The following TLN2 variants were observed in gnomAD, a reference collection of about 807,000 sequenced individuals.
TLN2 encodes talin-2.
TLN2 carries 118 observed loss-of-function variants against 294.7 expected under a neutral mutation model. That is an observed-to-expected ratio of 0.40 (90% CI 0.34 to 0.47). TLN2 has a LOEUF of 0.47. TLN2 is among the 20% of genes least tolerant of loss of function. The probability of loss-of-function intolerance (pLI) is 0.84; values close to 1 mark genes in which losing one functional copy is unlikely to be tolerated. For synonymous variants in TLN2, 1,431 were observed against 1,304.5 expected, an observed-to-expected ratio of 1.10 and a Z score of -2.09; for missense variants, 3,083 against 3,282.2, an observed-to-expected ratio of 0.94 and a Z score of 1.48.
At chr15:62,505,031 A>G (rs376152966) in intron 1 of TLN2, among the ~76,000 whole-genome samples, 23 of 152,224 alleles carry the variant, frequency 1.5e-4, no homozygotes, top group African/African-American at 5.5e-4. Flanking sequence ...ATCTCAGCTC[A>G]CTGCAACCTC....
chr15:62,510,302 A>C (rs2039862536), intron 1 of TLN2, among the ~76,000 whole-genome samples: 1 of 152,186 alleles, frequency 6.6e-6, no homozygotes, highest in South Asian at 2.1e-4. Flanking sequence ...GTGGTGAACC[A>C]GAGGGTGGGG....
chr15:62,512,245 T>A (rs1402856463), intron 1 of TLN2, among the ~76,000 whole-genome samples: 1 of 152,206 alleles, frequency 6.6e-6, no homozygotes, highest in African/African-American at 2.4e-5. Context: ...GTTAGTCTTT[T>A]AATGGTGAAA....
chr15:62,473,232 C>T (rs952428331), intron 1 of TLN2, among the ~76,000 whole-genome samples: 5 of 152,224 alleles, frequency 3.3e-5, no homozygotes, highest in Admixed American at 2.6e-4. Flanking sequence ...CTTGTCAGGC[C>T]CCACCCCTTC....
chr15:62,645,471 G>T (rs1420525724), intron 3 of TLN2, among the ~76,000 whole-genome samples: 1 of 152,232 alleles, frequency 6.6e-6, no homozygotes, highest in Non-Finnish European at 1.5e-5. Context: ...ATTGCAGTTG[G>T]ACGGCCTGAA....
At chr15:62,408,310 C>T (rs926014714) in intron 1 of TLN2, among the ~76,000 whole-genome samples, 2 of 152,082 alleles carry the variant, frequency 1.3e-5, no homozygotes, top group Non-Finnish European at 2.9e-5. Flanking sequence ...AAAGTGTGTT[C>T]GAGCATGCAC....
At chr15:62,647,480 C>A (rs746320193) in intron 4 of TLN2, 34 bp downstream of exon 4, 3 of 1,612,758 alleles carry the variant, frequency 1.9e-6, no homozygotes, top group Non-Finnish European at 2.5e-6. Flanking sequence ...CTTCTTAAAA[C>A]GTGTTTGCAT....
intron 37 of TLN2, among the ~76,000 whole-genome samples, chr15:62,760,842 A>T (rs1324263038): frequency 6.6e-6 from 1 of 152,098 alleles, no homozygotes; most frequent in African/African-American, 2.4e-5. Flanking sequence ...ACACACAGAG[A>T]AAACACGTTA....
chr15:62,460,253 C>CCACATGG (rs2036719240), intron 1 of TLN2, among the ~76,000 whole-genome samples: 1 of 151,368 alleles, frequency 6.6e-6, no homozygotes, highest in Non-Finnish European at 1.5e-5. Context: ...GAATAAGTAG[C>CCACATGG]CACATGGTTT....
At chr15:62,403,248 A>G (rs2033156950) in intron 1 of TLN2, among the ~76,000 whole-genome samples, 1 of 150,956 alleles carries the variant, frequency 6.6e-6, no homozygotes, top group African/African-American at 2.4e-5. Flanking sequence ...AAAAAAAAAC[A>G]GCAGGAAGAA....
chr15:62,461,180 G>A (rs369593619), intron 1 of TLN2, among the ~76,000 whole-genome samples: 7 of 152,164 alleles, frequency 4.6e-5, no homozygotes, highest in Admixed American at 2.6e-4. Context: ...GAACTTCCTC[G>A]TGATCCGCCT....
intron 9 of TLN2, among the ~76,000 whole-genome samples, chr15:62,665,276 C>G (rs2054477286): frequency 1.3e-5 from 2 of 152,102 alleles, no homozygotes; most frequent in Admixed American, 6.6e-5. Context: ...TCTCGAACTC[C>G]TGGGTTCAAG....
chr15:62,650,119 C>G lies in TLN2; in HGVS notation c.172C>G (p.Pro58Ala). ...TGGACTCTTTCTTTCGGATGAAGAC[C>G]CGAGGAAAGGGATTTGGCTGGAAGC... Reference protein sequence around the residue: ...DYGLFLSDEDPRKGIWLEAGR... With the variant: ...DYGLFLSDEDARKGIWLEAGR... The change falls in exon 5 of 59, where the codon CCG becomes GCG. Residue 58 changes from proline (P) to alanine (A), a missense_variant. Physicochemically the swap from Pro to Ala is conservative, Grantham distance 27. Coordinates refer to ENST00000636159, the MANE Select transcript of TLN2 (RefSeq NM_015059.3). 13 of 1,614,036 alleles carry G rather than the reference C, an allele frequency of 8.1e-6. No homozygotes were observed. The highest frequency in any genetic ancestry group is 1.1e-5 in the Non-Finnish European group (13 of 1,180,000).
intron 4 of TLN2, 124 bp from the exon 5 acceptor site, chr15:62,649,960 A>G (rs1418487634): frequency 1.1e-6 from 1 of 915,650 alleles, no homozygotes; most frequent in Non-Finnish European, 1.7e-6. Flanking sequence ...GTCAAAACGA[A>G]ACATTGCTGT....
intron 1 of TLN2, among the ~76,000 whole-genome samples, chr15:62,580,700 T>C (rs1161437243): frequency 6.6e-6 from 1 of 152,022 alleles, no homozygotes; most frequent in Non-Finnish European, 1.5e-5. Flanking sequence ...CATGCACCAC[T>C]GCACCTGGCT....
At chr15:62,742,023 G>GTT in intron 32 of TLN2, among the ~76,000 whole-genome samples, 1 of 35,364 alleles carries the variant, frequency 2.8e-5, no homozygotes, top group African/African-American at 1.1e-4. Flanking sequence ...GCTTGTAGTG[G>GTT]GGTGTGTGTG....
At chr15:62,657,204 A>G (rs776009782) in intron 8 of TLN2, among the ~76,000 whole-genome samples, 2 of 151,136 alleles carry the variant, frequency 1.3e-5, no homozygotes, top group African/African-American at 2.4e-5. Context: ...GAGGAGGAGG[A>G]GTTCAGACAC....
chr15:62,774,433 C>A (rs1031856801), intron 42 of TLN2, among the ~76,000 whole-genome samples: 5 of 152,158 alleles, frequency 3.3e-5, no homozygotes, highest in African/African-American at 9.6e-5. Context: ...TTTAAACAGG[C>A]CTTAATTGAG....
At chr15:62,727,616 A>G (rs923570841) in intron 28 of TLN2, among the ~76,000 whole-genome samples, 5 of 152,244 alleles carry the variant, frequency 3.3e-5, no homozygotes, top group Admixed American at 2.0e-4. Flanking sequence ...TAGGGGAACC[A>G]GCAAGGAAGC....
intron 42 of TLN2, among the ~76,000 whole-genome samples, chr15:62,775,065 T>C (rs1444047553): frequency 6.7e-6 from 1 of 148,980 alleles, no homozygotes; most frequent in Non-Finnish European, 1.5e-5. Flanking sequence ...CACGCCATTC[T>C]CCTGCCTCAG....
Sources: allele counts gnomAD v4.1 joint callset (sites outside exome capture counted in the v4.1 genomes callset), GRCh38; gene constraint gnomAD v4.1.1; transcripts MANE v1.5; gene names NCBI Gene and HGNC (gene_info 2026-07-23, HGNC 2026-07-21).